MYO18B: variants seen among roughly 807,000 people sequenced by gnomAD.
MYO18B encodes the protein myosin XVIIIB, also known as unconventional myosin-XVIIIb.
A neutral mutation model predicts 273.0 loss-of-function variants in MYO18B; 204 were observed. The observed-to-expected ratio is 0.75, with a 90% CI of 0.67 to 0.84. The LOEUF is 0.84. Among genes scored for constraint, MYO18B ranks in the 40% least tolerant of loss-of-function variants. The pLI is 0.00. For missense variants in MYO18B, 3,212 were observed against 3,287.6 expected (o/e 0.98, Z 0.56); for synonymous variants, 1,330 against 1,305.7 (o/e 1.02, Z -0.40).
chr22:25,915,564 G>A (rs1044242554), intron 33 of MYO18B, among the ~76,000 whole-genome samples: 6 of 152,152 alleles, frequency 3.9e-5, no homozygotes, highest in Non-Finnish European at 7.3e-5. Context: ...AATGTGGCAC[G>A]TGACTGTAAC....
intron 25 of MYO18B, among the ~76,000 whole-genome samples, chr22:25,881,691 G>C (rs534710102): frequency 6.6e-6 from 1 of 152,202 alleles, no homozygotes; most frequent in Non-Finnish European, 1.5e-5. Context: ...AAGGAAGGGT[G>C]GGGGCTCAGG....
intron 11 of MYO18B, among the ~76,000 whole-genome samples, chr22:25,792,855 C>CA (rs533231589): frequency 0.01 from 1,591 of 152,310 alleles, 16 homozygotes; most frequent in Non-Finnish European, 0.016. Context: ...AATCCTTGGG[C>CA]AGGTTGGTTG....
intron 1 of MYO18B, among the ~76,000 whole-genome samples, chr22:25,742,661 A>C (rs931817267): frequency 6.6e-6 from 1 of 152,104 alleles, no homozygotes; most frequent in South Asian, 2.1e-4. Flanking sequence ...ATTTTTCCTC[A>C]ACTACCAGTA....
Position 25,769,351 on chromosome 22 carries a change from C to A in MYO18B, c.1435C>A (p.Arg479=). Residue 479 remains arginine, a synonymous_variant, in exon 4 of 44, where the codon CGG becomes AGG. Transcript: ENST00000335473. ...TCTGGAGAAGGATGCAGAAAGGCCT[C>A]GGATACGGAAGGAGAACCAAGACGG... ...PALEKDAERP[R]IRKENQDGPA... 6.3e-7 allele frequency: 1 copy of A among 1,576,640 alleles called. No individual in the cohort carries two copies. The highest frequency in any genetic ancestry group is 8.6e-7 in the Non-Finnish European group (1 of 1,161,768).
At chr22:25,876,703 C>A (rs2091210306) in intron 24 of MYO18B, among the ~76,000 whole-genome samples, 1 of 152,092 alleles carries the variant, frequency 6.6e-6, no homozygotes, top group South Asian at 2.1e-4. Flanking sequence ...TCTTCCCTGT[C>A]ACCACCTATC....
chr22:25,794,796 A>C (rs2087837551), intron 11 of MYO18B, among the ~76,000 whole-genome samples: 2 of 152,168 alleles, frequency 1.3e-5, no homozygotes, highest in Non-Finnish European at 2.9e-5. Flanking sequence ...GAGCCACTGC[A>C]CCCAGCCAAT....
chr22:25,869,603 T>TA (rs1243838129), intron 22 of MYO18B, among the ~76,000 whole-genome samples: 1 of 152,076 alleles, frequency 6.6e-6, no homozygotes, highest in East Asian at 1.9e-4. Context: ...TAAGAAAACT[T>TA]TGTCAATGGC....
chr22:25,859,044 C>A (rs1170639587), intron 21 of MYO18B, among the ~76,000 whole-genome samples: 2 of 152,082 alleles, frequency 1.3e-5, no homozygotes, highest in Non-Finnish European at 2.9e-5. Flanking sequence ...GAGGATTGAG[C>A]AATTTAACGT....
At chr22:25,770,205 G>A in intron 5 of MYO18B, 29 bp downstream of exon 5, 1 of 1,608,800 alleles carries the variant, frequency 6.2e-7, no homozygotes, top group Non-Finnish European at 8.5e-7. Context: ...ACCTTTGGAG[G>A]GTCTGAGTCT....
At chr22:25,938,030 A>G (rs1232936965) in intron 34 of MYO18B, among the ~76,000 whole-genome samples, 1 of 152,144 alleles carries the variant, frequency 6.6e-6, no homozygotes, top group African/African-American at 2.4e-5. Context: ...AAGGCCTGGG[A>G]TGTGTTGAGA....
At chr22:25,982,068 G>A (rs1356402974) in intron 39 of MYO18B, among the ~76,000 whole-genome samples, 1 of 152,152 alleles carries the variant, frequency 6.6e-6, no homozygotes, top group Admixed American at 6.5e-5. Flanking sequence ...GAGAGAAAAG[G>A]GGGAGGTGCT....
At chr22:25,895,062 T>G in intron 27 of MYO18B, 94 bp from the exon 28 acceptor site, 4 of 1,439,290 alleles carry the variant, frequency 2.8e-6, no homozygotes, top group Non-Finnish European at 3.8e-6. Flanking sequence ...TGAAATTGCA[T>G]GCCAAGAGCC....
chr22:25,845,091 C>G (rs1429417040), intron 18 of MYO18B, among the ~76,000 whole-genome samples: 1 of 152,204 alleles, frequency 6.6e-6, no homozygotes, highest in Non-Finnish European at 1.5e-5. Context: ...GAATGAGGTT[C>G]CAAAGCTCCC....
intron 20 of MYO18B, 92 bp from the exon 21 acceptor site, chr22:25,851,377 GA>G: frequency 1.2e-6 from 1 of 801,530 alleles, no homozygotes; most frequent in Non-Finnish European, 2.1e-6. Flanking sequence ...TAGGAAGCAG[GA>G]CCCTGCACTC....
intron 40 of MYO18B, among the ~76,000 whole-genome samples, chr22:25,992,751 A>G (rs1046124695): frequency 1.3e-5 from 2 of 152,232 alleles, no homozygotes; most frequent in African/African-American, 4.8e-5. Flanking sequence ...AACAAGGACT[A>G]GCGTATGGTC....
chr22:25,836,962 CAAAAT>C (rs1057406176), intron 17 of MYO18B, among the ~76,000 whole-genome samples: 3 of 116,738 alleles, frequency 2.6e-5, no homozygotes, highest in South Asian at 2.8e-4. Flanking sequence ...AATTCCATCT[CAAAAT>C]AATAATAATA....
intron 40 of MYO18B, among the ~76,000 whole-genome samples, chr22:26,002,556 A>G (rs905170004): frequency 1.3e-5 from 2 of 152,206 alleles, no homozygotes; most frequent in Non-Finnish European, 2.9e-5. Context: ...GAATACTGAG[A>G]AGCCCCAGCC....
intron 39 of MYO18B, among the ~76,000 whole-genome samples, chr22:25,984,961 G>A (rs1034883902): frequency 6.6e-6 from 1 of 152,196 alleles, no homozygotes; most frequent in Non-Finnish European, 1.5e-5. Context: ...AGACATGCCT[G>A]CCATGTGTGA....
chr22:25,750,706 C>T (rs926746904), intron 1 of MYO18B, among the ~76,000 whole-genome samples: 1 of 152,166 alleles, frequency 6.6e-6, no homozygotes, highest in Non-Finnish European at 1.5e-5. Context: ...TGACCTAAGC[C>T]TTGTGGCCAG....
Sources: allele counts gnomAD v4.1 joint callset (sites outside exome capture counted in the v4.1 genomes callset), GRCh38; gene constraint gnomAD v4.1.1; transcripts MANE v1.5; gene names NCBI Gene and HGNC (gene_info 2026-07-23, HGNC 2026-07-21).